Variants in PRKAR2B observed in about 807,000 individuals in gnomAD.
The protein encoded by PRKAR2B is protein kinase cAMP-dependent type II regulatory subunit beta.
In PRKAR2B, 14 loss-of-function variants were observed where a neutral mutation model predicts 49.9. The ratio of observed to expected loss-of-function variants is 0.28; its 90% CI spans 0.19 to 0.44. The LOEUF (loss-of-function observed/expected upper bound fraction) is 0.44, where lower values mean the gene tolerates loss of function less well. Ranked by LOEUF, PRKAR2B falls within the 20% of genes least tolerant of loss-of-function variation. PRKAR2B has a pLI of 1.00. For synonymous variants in PRKAR2B, 196 were observed against 197.7 expected, an observed-to-expected ratio of 0.99 and a Z score of 0.07; for missense variants, 393 against 537.9, an observed-to-expected ratio of 0.73 and a Z score of 2.67.
At chr7:107,113,449 T>A (rs1795209915) in intron 2 of PRKAR2B, among the ~76,000 whole-genome samples, 1 of 152,190 alleles carries the variant, frequency 6.6e-6, no homozygotes, top group Non-Finnish European at 1.5e-5. Context: ...CTGCAATGCT[T>A]AGAAATCCTT....
chr7:107,096,082 C>G (rs1334210061), intron 2 of PRKAR2B, among the ~76,000 whole-genome samples: 4 of 152,172 alleles, frequency 2.6e-5, no homozygotes, highest in Admixed American at 6.5e-5. Flanking sequence ...GGAATGGTAC[C>G]AGCTCCTCTT....
At chr7:107,150,670 T>C (rs911386029) in intron 6 of PRKAR2B, among the ~76,000 whole-genome samples, 60 of 149,444 alleles carry the variant, frequency 4.0e-4, no homozygotes, top group African/African-American at 1.4e-3. Context: ...ATTTCTGTTA[T>C]GTATAAAAAG....
intron 2 of PRKAR2B, among the ~76,000 whole-genome samples, chr7:107,118,705 A>G (rs926643066): frequency 6.6e-6 from 1 of 152,194 alleles, no homozygotes; most frequent in Non-Finnish European, 1.5e-5. Flanking sequence ...TGTGGGTGAA[A>G]GGTCAAGATG....
intron 1 of PRKAR2B, chr7:107,067,294 G>A (rs1794170969): frequency 1.3e-5 from 2 of 152,186 alleles, no homozygotes; most frequent in African/African-American, 4.8e-5. Flanking sequence ...TTAACTTGCT[G>A]AAAGTTTGTA....
At chr7:107,122,626 C>G (rs567508607) in intron 3 of PRKAR2B, among the ~76,000 whole-genome samples, 44 of 152,266 alleles carry the variant, frequency 2.9e-4, no homozygotes, top group East Asian at 2.5e-3. Context: ...ACCCTCCCCC[C>G]CTTTTTTTGA....
At chr7:107,056,337 T>C (rs1471150103) in intron 1 of PRKAR2B, among the ~76,000 whole-genome samples, 1 of 152,340 alleles carries the variant, frequency 6.6e-6, no homozygotes, top group South Asian at 2.1e-4. Context: ...AAGTAGTTGT[T>C]TCGAATTCTG....
chr7:107,102,406 C>A (rs958796480), intron 2 of PRKAR2B, among the ~76,000 whole-genome samples: 5 of 152,170 alleles, frequency 3.3e-5, no homozygotes, highest in Admixed American at 2.6e-4. Flanking sequence ...ATAAATACAG[C>A]TATCCTTGCA....
chr7:107,146,210 A>G (rs1584452584), intron 5 of PRKAR2B, 98 bp from the exon 6 acceptor site: 2 of 1,272,380 alleles, frequency 1.6e-6, no homozygotes, highest in Non-Finnish European at 2.2e-6. Context: ...AACAGGCTGG[A>G]AATAAGATTT....
chr7:107,046,834 A>G (rs1237189920), intron 1 of PRKAR2B, among the ~76,000 whole-genome samples: 1 of 150,388 alleles, frequency 6.6e-6, no homozygotes, highest in Non-Finnish European at 1.5e-5. Context: ...TAAAGACCAT[A>G]TATATATATA....
chr7:107,156,204 C>T (rs940860520), intron 8 of PRKAR2B, among the ~76,000 whole-genome samples: 1 of 152,042 alleles, frequency 6.6e-6, no homozygotes, highest in Non-Finnish European at 1.5e-5. Flanking sequence ...ACCTCCATGG[C>T]ACATGTATAC....
intron 2 of PRKAR2B, among the ~76,000 whole-genome samples, chr7:107,104,340 G>T (rs529089477): frequency 6.6e-6 from 1 of 152,056 alleles, no homozygotes; most frequent in African/African-American, 2.4e-5. Context: ...TGCCCTCCTC[G>T]CCTCAAAAAA....
At chr7:107,115,458 A>G (rs1254004970) in intron 2 of PRKAR2B, among the ~76,000 whole-genome samples, 1 of 152,232 alleles carries the variant, frequency 6.6e-6, no homozygotes, top group Admixed American at 6.5e-5. Flanking sequence ...CGAGTGGATT[A>G]TAGTAACTTA....
intron 2 of PRKAR2B, among the ~76,000 whole-genome samples, chr7:107,084,122 C>G (rs1794567484): frequency 6.6e-6 from 1 of 152,108 alleles, no homozygotes; most frequent in South Asian, 2.1e-4. Context: ...TCCAATAAAG[C>G]AGAGAAAAGA....
intron 3 of PRKAR2B, among the ~76,000 whole-genome samples, chr7:107,122,934 T>G (rs1795415376): frequency 6.6e-6 from 1 of 152,190 alleles, no homozygotes; most frequent in Non-Finnish European, 1.5e-5. Context: ...TCAGTTCTTT[T>G]CATGAAGTTT....
chr7:107,085,128 G>C (rs1256357054), intron 2 of PRKAR2B, among the ~76,000 whole-genome samples: 2 of 152,086 alleles, frequency 1.3e-5, no homozygotes, highest in African/African-American at 4.8e-5. Flanking sequence ...GAATGGATGA[G>C]ACCTGCCCTC....
intron 2 of PRKAR2B, among the ~76,000 whole-genome samples, chr7:107,085,366 C>G (rs1024393449): frequency 4.6e-5 from 7 of 152,100 alleles, no homozygotes; most frequent in African/African-American, 1.7e-4. Flanking sequence ...TCATGTTTCT[C>G]ACTGTAAGGT....
In PRKAR2B at chr7:107,078,213, A is replaced by AAG. The variant is rs1409730127; in HGVS notation, c.343+7898_343+7899insGA. 4.6e-4 allele frequency: 70 copies of AAG among 152,128 alleles called. 1 individual carries two copies. Among genetic ancestry groups the AAG allele is most frequent in the African/African-American group, 1.6e-3 (66 of 41,284 alleles). The allele number at this position is 152,128 out of a possible 1,614,324, so 9.4% of individuals were successfully genotyped here. A position where few individuals can be genotyped will look rare whatever the true frequency, so the allele number is the denominator to read the frequency against. The stretch of plus-strand genomic sequence containing the variant: ...AGTGATACTCCATCAAAAAAAAAAA[A>AAG]AAAAGAAAAAAGAAAAGAAAAGAAA... On this transcript the variant is annotated intron_variant, in intron 2 of 10. Transcript: ENST00000265717.
chr7:107,052,377 C>T (rs560007374), intron 1 of PRKAR2B, among the ~76,000 whole-genome samples: 8 of 152,260 alleles, frequency 5.3e-5, no homozygotes, highest in African/African-American at 1.7e-4. Context: ...GAGATTGCGC[C>T]ACTGCACTCC....
intron 1 of PRKAR2B, among the ~76,000 whole-genome samples, chr7:107,060,637 T>A (rs1794010862): frequency 7.3e-6 from 1 of 137,456 alleles, no homozygotes; most frequent in Non-Finnish European, 1.6e-5. Flanking sequence ...CCTCTCTTCC[T>A]TCCTTCCTTC....
Sources: allele counts gnomAD v4.1 joint callset (sites outside exome capture counted in the v4.1 genomes callset), GRCh38; gene constraint gnomAD v4.1.1; transcripts MANE v1.5; gene names NCBI Gene and HGNC (gene_info 2026-07-23, HGNC 2026-07-21).